Variants in ARID1B observed in about 807,000 individuals in gnomAD.
The protein encoded by ARID1B is AT-rich interactive domain-containing protein 1B.
A neutral mutation model predicts 212.3 loss-of-function variants in ARID1B; 30 were observed. The ratio of observed to expected loss-of-function variants is 0.14; its 90% confidence interval spans 0.11 to 0.19. The LOEUF is 0.19. ARID1B is among the 10% of genes least tolerant of loss of function. The pLI, the probability that ARID1B is intolerant of heterozygous loss-of-function variation, is 1.00. For synonymous variants in ARID1B, 1,402 were observed against 1,301.7 expected (o/e 1.08, Z -1.66); for missense variants, 2,891 against 3,204.0 (o/e 0.90, Z 2.36).
At chr6:156,781,031 G>A (rs1779224179) in intron 1 of ARID1B, among the ~76,000 whole-genome samples, 1 of 152,110 alleles carries the variant, frequency 6.6e-6, no homozygotes, top group African/African-American at 2.4e-5. Flanking sequence ...ATATTTTGGT[G>A]ATGTGTAATT....
intron 8 of ARID1B, among the ~76,000 whole-genome samples, chr6:157,165,210 G>T (rs1341402496): frequency 6.6e-6 from 1 of 152,198 alleles, no homozygotes; most frequent in African/African-American, 2.4e-5. Context: ...GATGATCTCA[G>T]ATCTGTTCTT....
At chr6:157,166,800 A>G (rs1022672476) in intron 8 of ARID1B, 25 of 419,986 alleles carry the variant, frequency 6.0e-5, no homozygotes, top group Non-Finnish European at 9.5e-5. Context: ...ACTTGACATG[A>G]TTAAAAATGT....
intron 2 of ARID1B, among the ~76,000 whole-genome samples, chr6:156,851,314 C>T (rs892804154): frequency 3.3e-5 from 5 of 152,224 alleles, no homozygotes; most frequent in Middle Eastern, 3.4e-3. Flanking sequence ...CAACTTGTTC[C>T]GGGTTATTTA....
At chr6:157,045,318 T>G (rs1326718403) in intron 4 of ARID1B, among the ~76,000 whole-genome samples, 3 of 152,242 alleles carry the variant, frequency 2.0e-5, no homozygotes, top group Non-Finnish European at 4.4e-5. Flanking sequence ...CATTGTAAGA[T>G]TCTACCCAAT....
rs756043689 is a variant in ARID1B at position 157,207,783 on chromosome 6, A to G, written c.7011A>G (p.Glu2337=). The change falls in exon 20 of 20, where the codon GAA becomes GAG. Residue 2337 remains glutamate, a synonymous_variant. Coordinates refer to ENST00000636930, the MANE Select transcript of ARID1B (RefSeq NM_001374828.1). This position sits in a 1 kb window ranked among gnomAD's most constrained non-coding sequence, Gnocchi z 8.5. ...CCAGAGTGGACGAAAACCGCTCGGA[A>G]TTCCTTTTGCACGAGGGCCGGTTGC... The part of the protein sequence containing the change: ...AMARVDENRS[E]FLLHEGRLLD... 2.2e-5 allele frequency: 34 copies of G among 1,567,010 alleles called. No homozygotes were observed. In the Admixed American group the frequency reaches 6.2e-4, roughly 29 times the overall value.
chr6:157,072,160 A>G (rs1443583313), intron 4 of ARID1B: 2 of 152,226 alleles, frequency 1.3e-5, no homozygotes, highest in Non-Finnish European at 2.9e-5. Flanking sequence ...TGCTACTGCT[A>G]TTCATCTGTT....
At chr6:157,036,388 C>G (rs1781328039) in intron 4 of ARID1B, 1 of 154,620 alleles carries the variant, frequency 6.5e-6, no homozygotes, top group Non-Finnish European at 1.4e-5. Context: ...TCCAGCGCTG[C>G]CCACTCTGAT....
chr6:157,012,027 A>C (rs1009672367), intron 4 of ARID1B, among the ~76,000 whole-genome samples: 3 of 152,240 alleles, frequency 2.0e-5, no homozygotes, highest in African/African-American at 4.8e-5. Context: ...GAAACACATA[A>C]ATGTCTATAA....
At chr6:156,896,179 A>C (rs1246415797) in intron 2 of ARID1B, among the ~76,000 whole-genome samples, 1 of 152,208 alleles carries the variant, frequency 6.6e-6, no homozygotes, top group Non-Finnish European at 1.5e-5. Context: ...ACTGCATTGA[A>C]TATCCTTCCT....
intron 4 of ARID1B, among the ~76,000 whole-genome samples, chr6:156,969,591 T>TA (rs1263335845): frequency 1.3e-5 from 2 of 152,212 alleles, no homozygotes. Flanking sequence ...ATACAAGAAT[T>TA]ACTGTACATC....
At chr6:156,841,074 G>A (rs1448575289) in intron 2 of ARID1B, among the ~76,000 whole-genome samples, 2 of 152,224 alleles carry the variant, frequency 1.3e-5, no homozygotes, top group Non-Finnish European at 2.9e-5. Flanking sequence ...TTTGCTGCTG[G>A]AGGGAAGAGA....
chr6:156,957,613 A>G (rs768831934), intron 4 of ARID1B, among the ~76,000 whole-genome samples: 6 of 152,230 alleles, frequency 3.9e-5, no homozygotes, highest in Admixed American at 6.5e-5. Flanking sequence ...TTGGTAAATC[A>G]TGTCCCTTGA....
intron 4 of ARID1B, among the ~76,000 whole-genome samples, chr6:157,006,978 G>A (rs1028874083): frequency 6.6e-6 from 1 of 152,228 alleles, no homozygotes; most frequent in Non-Finnish European, 1.5e-5. Context: ...GACACGCAAA[G>A]TTTATCAGGC....
chr6:156,984,349 A>T (rs1348795555), intron 4 of ARID1B, among the ~76,000 whole-genome samples: 2 of 152,084 alleles, frequency 1.3e-5, no homozygotes, highest in Admixed American at 6.5e-5. Flanking sequence ...TCAGAATGGA[A>T]TTTTCAGATC....
At chr6:156,795,557 T>A (rs1406002259) in intron 1 of ARID1B, among the ~76,000 whole-genome samples, 2 of 152,182 alleles carry the variant, frequency 1.3e-5, no homozygotes, top group Non-Finnish European at 2.9e-5. Context: ...AGAAAACTCC[T>A]CCAGTTCTTC....
At chr6:156,798,486 G>C (rs1780555729) in intron 1 of ARID1B, among the ~76,000 whole-genome samples, 1 of 152,266 alleles carries the variant, frequency 6.6e-6, no homozygotes, top group South Asian at 2.1e-4. Context: ...CATGTTACAT[G>C]ATGGTACCAG....
intron 4 of ARID1B, among the ~76,000 whole-genome samples, chr6:157,049,297 C>A (rs993302350): frequency 6.6e-6 from 1 of 152,100 alleles, no homozygotes; most frequent in Non-Finnish European, 1.5e-5. Context: ...CTCTCTCTGG[C>A]CAGAGTGCTC....
intron 1 of ARID1B, among the ~76,000 whole-genome samples, chr6:156,802,354 G>C (rs1222510177): frequency 6.6e-6 from 1 of 152,092 alleles, no homozygotes; most frequent in Non-Finnish European, 1.5e-5. Flanking sequence ...AGTTATTTAT[G>C]TTCATATTCT....
intron 4 of ARID1B, among the ~76,000 whole-genome samples, chr6:157,063,470 G>A (rs900554414): frequency 2.0e-5 from 3 of 152,010 alleles, no homozygotes; most frequent in Non-Finnish European, 4.4e-5. Context: ...TATCATTAGG[G>A]GCCCTTTCCT....
Sources: allele counts gnomAD v4.1 joint callset (sites outside exome capture counted in the v4.1 genomes callset), GRCh38; gene constraint gnomAD v4.1.1; non-coding constraint Gnocchi (gnomAD v3.1); transcripts MANE v1.5; gene names NCBI Gene and HGNC (gene_info 2026-07-23, HGNC 2026-07-21).